The following BOP1 variants were observed in gnomAD, a reference collection of about 807,000 sequenced individuals.
BOP1 encodes the protein BOP1 ribosomal biogenesis factor.
In BOP1, 54 loss-of-function variants were observed where a neutral mutation model predicts 82.9. The ratio of observed to expected loss-of-function variants is 0.65; its 90% confidence interval spans 0.52 to 0.82. The LOEUF is 0.82. BOP1 is among the 40% of genes least tolerant of loss of function. The probability of loss-of-function intolerance (pLI) is 0.00; values close to 1 mark genes in which losing one functional copy is unlikely to be tolerated. For synonymous variants in BOP1, 566 were observed against 451.1 expected, an observed-to-expected ratio of 1.25 and a Z score of -3.23; for missense variants, 1,170 against 1,072.0, an observed-to-expected ratio of 1.09 and a Z score of -1.28.
Position 144,289,078 on chromosome 8 carries a change from G to T in BOP1, c.309+17C>A. ...CACATGGGGGACAGCCCTCGAGGGG[G>T]CTCCTCGCTCACCCACCTGCACCTG... On this transcript the variant is annotated intron_variant, in intron 2 of 15. Transcript: ENST00000569669. 1 of 1,613,608 alleles carries T rather than the reference G, an allele frequency of 6.2e-7. No individual in the cohort carries two copies. Among genetic ancestry groups the T allele is most frequent in the Non-Finnish European group, 8.5e-7 (1 of 1,179,706 alleles).
intron 2 of BOP1, among the ~76,000 whole-genome samples, chr8:144,280,310 C>T (rs7838717): frequency 0.31 from 46,733 of 152,194 alleles, 8,700 homozygotes; most frequent in East Asian, 0.69. Flanking sequence ...CACCACTGAC[C>T]AGCTGGTGAG....
Position 144,268,065 on chromosome 8 carries a change from G to A in BOP1, c.391-2994C>T. On this transcript the variant is annotated intron_variant, in intron 3 of 15. Transcript: ENST00000569669. ...CCAGAGAGGCGCAGACTGGCGCTGG[G>A]CTCTGCCGGGGCCTGACACTCCTCC... 6 of 1,549,470 alleles carry A rather than the reference G, an allele frequency of 3.9e-6. No individual in the cohort carries two copies. The East Asian group carries it at 1.2e-4, about 32-fold the overall frequency.
chr8:144,269,040 T>G (rs1469401064), intron 3 of BOP1, among the ~76,000 whole-genome samples: 1 of 152,160 alleles, frequency 6.6e-6, no homozygotes, highest in Admixed American at 6.5e-5. Context: ...CAGTGCCACT[T>G]GGCCCCTGGA....
chr8:144,274,545 G>C, intron 3 of BOP1, among the ~76,000 whole-genome samples: 1 of 152,362 alleles, frequency 6.6e-6, no homozygotes, highest in Admixed American at 6.5e-5. Context: ...GCCTGGCCTG[G>C]CTCCTGAAAG....
In BOP1 at chr8:144,269,882, G is replaced by A. The variant is rs961701179; in HGVS notation, c.391-4811C>T. Among the ~76,000 whole-genome samples, 50 of 152,224 alleles carry A rather than the reference G, an allele frequency of 3.3e-4. 1 individual carries two copies. Among genetic ancestry groups the A allele is most frequent in the Admixed American group, 2.2e-3 (33 of 15,288 alleles). On this transcript the variant is annotated intron_variant, in intron 3 of 15. Coordinates refer to ENST00000569669, the MANE Select transcript of BOP1 (RefSeq NM_015201.5). ...AGTGAGGAGCAGGGTGGACCCAGGA[G>A]CATGGCCAGGCCGGGCACTCTGCAT...
Position 144,263,261 on chromosome 8 carries a change from T to C in BOP1, c.1565A>G (p.Glu522Gly). Residue 522 changes from glutamate to glycine, a missense_variant, in exon 12 of 16, where the codon GAG (glutamate) becomes GGG (glycine). Coordinates refer to ENST00000569669, the MANE Select transcript of BOP1 (RefSeq NM_015201.5). ...PARWLEASEE[E>G]RQVGLRLRIC... ...GCGCAGCCGCAGGCCCACTTGGCGCTCCTCCTCTGAGGCCTCCAGCCAGCG... is the reference window on the plus strand; with the variant it reads ...GCGCAGCCGCAGGCCCACTTGGCGCCCCTCCTCTGAGGCCTCCAGCCAGCG... The C allele has an allele frequency of 6.3e-7, 1 of 1,594,756 alleles. No individual in the cohort carries two copies. Among genetic ancestry groups the C allele is most frequent in the Non-Finnish European group, 8.5e-7 (1 of 1,179,206 alleles).
rs200325279 is a variant in BOP1, at chr8:144,281,024, T to C, written c.310-4720A>G. Among the ~76,000 whole-genome samples the C allele has an allele frequency of 2.6e-4, 37 of 144,472 alleles. 2 individuals carry two copies. Among genetic ancestry groups the C allele is most frequent in the East Asian group, 8.6e-4 (4 of 4,648 alleles). The allele number at this position is 144,472 out of a possible 152,430, so 94.8% of individuals were successfully genotyped here. On this transcript the variant is annotated intron_variant, in intron 2 of 15. Coordinates refer to ENST00000569669, the MANE Select transcript of BOP1 (RefSeq NM_015201.5). ...CTTTCATACCAGGTCTTCGGCCTTC[T>C]CTCACTTTAATACCAGGTCTTAGGC...
At position 144,263,516 on chromosome 8, in the gene BOP1, C is replaced by T; in HGVS notation, c.1386G>A (p.Trp462Ter). ...CCAGGCAGACAGCGGGGCTGGGGTT[C>T]CAGGCCACACTCTTCACCACGCCCC... is the stretch of plus-strand genomic sequence containing the variant. ...PVGGVVKSVA[W>*]NPSPAVCLVA... is the part of the protein sequence containing the mutation. The change falls in exon 11 of 16, where the codon TGG becomes TGA. Residue 462 changes from tryptophan (W) to a stop codon, truncating the protein, a stop_gained. Transcript: ENST00000569669. LOFTEE classifies it high-confidence loss of function. 1 of 1,599,308 alleles carries T rather than the reference C, an allele frequency of 6.3e-7. No individual in the cohort carries two copies. Among genetic ancestry groups the T allele is most frequent in the South Asian group, 1.1e-5 (1 of 91,034 alleles).
chr8:144,266,373 C>T (rs1158646019), intron 3 of BOP1, among the ~76,000 whole-genome samples: 3 of 151,882 alleles, frequency 2.0e-5, no homozygotes, highest in Non-Finnish European at 4.4e-5. Flanking sequence ...CTCGAGGAGC[C>T]TCCGGGCTGA....
chr8:144,263,880 T>C lies in BOP1; in HGVS notation c.1172A>G (p.Lys391Arg), dbSNP rs1845296796. The C allele has an allele frequency of 6.2e-6, 10 of 1,611,576 alleles. No homozygotes were observed. Among genetic ancestry groups the C allele is most frequent in the Admixed American group, 1.7e-5 (1 of 59,958 alleles). ...VNVDPEDLIP[K>R]LPRPRDLQPF... Reference sequence around the variant, plus strand: ...CTGCAGGTCCCTCGGCCGAGGCAGCTTGGGGATGAGGTCCTCAGGGTCTAC... The same window carrying C: ...CTGCAGGTCCCTCGGCCGAGGCAGCCTGGGGATGAGGTCCTCAGGGTCTAC... The change falls in exon 9 of 16, where the codon AAG (lysine) becomes AGG (arginine). Residue 391 changes from lysine (K) to arginine (R), a missense_variant. By Grantham distance (26) the Lys-to-Arg change is conservative. Coordinates refer to ENST00000569669, the MANE Select transcript of BOP1 (RefSeq NM_015201.5).
intron 2 of BOP1, among the ~76,000 whole-genome samples, chr8:144,285,707 G>A (rs548424489): frequency 7.9e-5 from 12 of 152,348 alleles, no homozygotes; most frequent in African/African-American, 1.2e-4. Context: ...GCCGCTCAAC[G>A]GAAGGGTTCT....
intron 2 of BOP1, among the ~76,000 whole-genome samples, chr8:144,276,834 C>T (rs888678760): frequency 8.1e-4 from 124 of 152,274 alleles, no homozygotes; most frequent in Middle Eastern, 3.4e-3. Flanking sequence ...CCACCCATCC[C>T]GGGGGCCACG....
At chr8:144,289,014 G>T in intron 2 of BOP1, 81 bp downstream of exon 2, 1 of 1,463,578 alleles carries the variant, frequency 6.8e-7, no homozygotes, top group Non-Finnish European at 9.5e-7. Flanking sequence ...GGTGGAGAAG[G>T]CAGTACAGTG....
intron 1 of BOP1, among the ~76,000 whole-genome samples, chr8:144,289,915 C>T (rs1814987822): frequency 6.6e-6 from 1 of 152,168 alleles, no homozygotes; most frequent in Non-Finnish European, 1.5e-5. Flanking sequence ...AGACTCTAAC[C>T]GCAACCACGC....
Position 144,264,897 on chromosome 8 carries a change from C to A in BOP1, c.545+20G>T. On this transcript the variant is annotated intron_variant, in intron 4 of 15. Transcript: ENST00000569669. ...CCTCGGGCCCACCCCGGCTGCTGGC[C>A]CCACCCCACCAGCCCTCACCAGTAG... is the stretch of plus-strand genomic sequence containing the variant. 3 of 1,610,388 alleles carry A rather than the reference C, an allele frequency of 1.9e-6. No homozygotes were observed. Among genetic ancestry groups the A allele is most frequent in the Non-Finnish European group, 2.5e-6 (3 of 1,179,412 alleles).
At chr8:144,279,674 T>C (rs1489580610) in intron 2 of BOP1, among the ~76,000 whole-genome samples, 2 of 152,030 alleles carry the variant, frequency 1.3e-5, no homozygotes, top group African/African-American at 2.4e-5. Flanking sequence ...ACAGAGTCTA[T>C]GTCCCCCCCG....
chr8:144,272,277 C>T (rs963999370), intron 3 of BOP1, among the ~76,000 whole-genome samples: 1 of 152,114 alleles, frequency 6.6e-6, no homozygotes, highest in Non-Finnish European at 1.5e-5. Flanking sequence ...GGTCCACACC[C>T]GCTCAGCCCC....
At chr8:144,276,347 G>A in intron 2 of BOP1, 43 bp from the exon 3 acceptor site, 3 of 1,601,930 alleles carry the variant, frequency 1.9e-6, no homozygotes, top group Non-Finnish European at 1.7e-6. Flanking sequence ...GGGATACAGG[G>A]TACCCTTTGA....
intron 3 of BOP1, chr8:144,268,170 G>A (rs1845424272): frequency 6.5e-7 from 1 of 1,550,136 alleles, no homozygotes. Flanking sequence ...CCAGGAGGCA[G>A]ACGCTGCTGG....
Sources: allele counts gnomAD v4.1 joint callset (sites outside exome capture counted in the v4.1 genomes callset), GRCh38; gene constraint gnomAD v4.1.1; transcripts MANE v1.5; gene names NCBI Gene and HGNC (gene_info 2026-07-23, HGNC 2026-07-21).